ABHD2: variants seen among roughly 807,000 people sequenced by gnomAD.
ABHD2 encodes monoacylglycerol lipase ABHD2.
A neutral mutation model predicts 48.1 loss-of-function variants in ABHD2; 20 were observed. The observed-to-expected ratio is 0.42, with a 90% CI of 0.29 to 0.60. ABHD2 has a LOEUF of 0.60. ABHD2 is among the 20% of genes least tolerant of loss of function. ABHD2 has a pLI of 0.24. For missense variants in ABHD2, 405 were observed against 550.9 expected (o/e 0.74, Z 2.65); for synonymous variants, 209 against 214.2 (o/e 0.98, Z 0.21).
At chr15:89,086,940 T>C (rs912075751), upstream of ABHD2, 1 of 152,208 alleles carries the variant, frequency 6.6e-6, no homozygotes, top group Non-Finnish European at 1.5e-5. Flanking sequence ...ATGAAACCTT[T>C]TTTTTTCAAG....
chr15:89,068,474 CAT>C, the ABHD2 span, among the ~76,000 whole-genome samples: 29 of 152,176 alleles, frequency 1.9e-4, no homozygotes, highest in Non-Finnish European at 4.0e-4. Context: ...TCTTCACCCA[CAT>C]GTCTGGTGGT....
chr15:89,108,327 T>G (rs950793886), intron 1 of ABHD2, among the ~76,000 whole-genome samples: 1 of 152,242 alleles, frequency 6.6e-6, no homozygotes, highest in Non-Finnish European at 1.5e-5. Flanking sequence ...TTGCTGTAGA[T>G]ACGTGGCTCC....
chr15:89,107,279 T>G (rs1177606738), intron 1 of ABHD2, among the ~76,000 whole-genome samples: 1 of 152,194 alleles, frequency 6.6e-6, no homozygotes, highest in Non-Finnish European at 1.5e-5. Flanking sequence ...AGTGATTTAT[T>G]AAGTCTAACA....
chr15:89,152,796 G>T lies in ABHD2; in HGVS notation c.370+944G>T, dbSNP rs28661057. Among the ~76,000 whole-genome samples the T allele has an allele frequency of 8.3e-3, 1,264 of 152,262 alleles. 8 individuals carry two copies. Among genetic ancestry groups the T allele is most frequent in the African/African-American group, 0.028 (1,151 of 41,550 alleles). The stretch of plus-strand genomic sequence containing the variant: ...CTGGAATTTGGCATTGTTCTGTCTA[G>T]CCTATACAAATAGCATTCATTCTAA... On this transcript the variant is annotated intron_variant, in intron 4 of 10. Coordinates refer to ENST00000352732, the MANE Select transcript of ABHD2 (RefSeq NM_152924.5).
chr15:89,113,008 C>T (rs1035598403), intron 1 of ABHD2, among the ~76,000 whole-genome samples: 1 of 152,222 alleles, frequency 6.6e-6, no homozygotes, highest in Admixed American at 6.5e-5. Context: ...GTAGATAGTG[C>T]TGCATAAACA....
intron 1 of ABHD2, among the ~76,000 whole-genome samples, chr15:89,095,570 T>C (rs998725512): frequency 7.9e-5 from 12 of 152,210 alleles, no homozygotes; most frequent in African/African-American, 2.4e-4. Flanking sequence ...TCTTCAGTGG[T>C]ATTTACACAT....
At chr15:89,142,532 G>A (rs545945671) in intron 3 of ABHD2, among the ~76,000 whole-genome samples, 39 of 152,268 alleles carry the variant, frequency 2.6e-4, no homozygotes, top group African/African-American at 8.7e-4. Flanking sequence ...CATGTATCTC[G>A]TTCTTGCAGC....
intron 3 of ABHD2, among the ~76,000 whole-genome samples, chr15:89,145,051 G>A (rs888659877): frequency 1.3e-5 from 2 of 152,194 alleles, no homozygotes; most frequent in Non-Finnish European, 2.9e-5. Context: ...GAGGTCATGA[G>A]TTTGAGACCA....
chr15:89,172,933 G>A (rs899785083), intron 5 of ABHD2, among the ~76,000 whole-genome samples: 2 of 152,168 alleles, frequency 1.3e-5, no homozygotes, highest in African/African-American at 4.8e-5. Flanking sequence ...GATTTTCCCT[G>A]TATACGGGGG....
intron 3 of ABHD2, among the ~76,000 whole-genome samples, chr15:89,149,573 G>A (rs889389090): frequency 5.9e-5 from 9 of 152,146 alleles, no homozygotes; most frequent in Admixed American, 2.6e-4. Flanking sequence ...ATGTTAGGAC[G>A]GAGCTGTGCA....
At chr15:89,086,756 T>C (rs1014335660), upstream of ABHD2, among the ~76,000 whole-genome samples, 1 of 152,248 alleles carries the variant, frequency 6.6e-6, no homozygotes, top group South Asian at 2.1e-4. Flanking sequence ...AGTTAACATA[T>C]GCATTACCTT....
At chr15:89,078,078 A>ATC in the ABHD2 span, among the ~76,000 whole-genome samples, 1 of 152,152 alleles carries the variant, frequency 6.6e-6, no homozygotes, top group South Asian at 2.1e-4. Context: ...CCTTGGGATC[A>ATC]TCTCTGACCC....
the ABHD2 span, among the ~76,000 whole-genome samples, chr15:89,060,455 T>C: frequency 6.6e-6 from 1 of 151,998 alleles, no homozygotes; most frequent in Non-Finnish European, 1.5e-5. Flanking sequence ...ATTTTCTCCA[T>C]ACTAGAGCTT....
At chr15:89,101,649 A>G (rs781326410) in intron 1 of ABHD2, among the ~76,000 whole-genome samples, 6 of 152,222 alleles carry the variant, frequency 3.9e-5, no homozygotes, top group Non-Finnish European at 8.8e-5. Flanking sequence ...ACAGAGATGA[A>G]AGAGATATGA....
Position 89,182,312 on chromosome 15 carries a change from T to C in ABHD2, c.723-3112T>C, listed in dbSNP as rs2051127514. Among the ~76,000 whole-genome samples the C allele has an allele frequency of 6.6e-6, 1 of 152,220 alleles. No individual in the cohort carries two copies. On this transcript the variant is annotated intron_variant, in intron 6 of 10. Coordinates refer to ENST00000352732, the MANE Select transcript of ABHD2 (RefSeq NM_152924.5). This position sits in a 1 kb window ranked among gnomAD's most constrained non-coding sequence, Gnocchi z 4.8. ...TTCCAGCAAGATTCACTCTGAATTT[T>C]GCAAAGCCATTCCCTCCCTGTAATT...
Position 89,175,443 on chromosome 15 carries a change from T to G in ABHD2, c.539-369T>G, listed in dbSNP as rs938698580. Among the ~76,000 whole-genome samples, 1 of 152,212 alleles carries G rather than the reference T, an allele frequency of 6.6e-6. No homozygotes were observed. The highest frequency in any genetic ancestry group is 1.5e-5 in the Non-Finnish European group (1 of 68,038). On this transcript the variant is annotated intron_variant, in intron 5 of 10. Transcript: ENST00000352732. The surrounding 1 kb of genome is among the most constrained non-coding windows in gnomAD (Gnocchi z 5.7). ...GGCCTAGCTTTTATTTAGGTCTGTG[T>G]GTGAGCATATGTGCTCATGCACACC... is the stretch of plus-strand genomic sequence containing the variant.
At chr15:89,067,782 T>G in the ABHD2 span, among the ~76,000 whole-genome samples, 2 of 152,208 alleles carry the variant, frequency 1.3e-5, no homozygotes, top group South Asian at 2.1e-4. Flanking sequence ...GCAAACTCTA[T>G]TCACTTGTTC....
the ABHD2 span, among the ~76,000 whole-genome samples, chr15:89,053,308 A>T: frequency 6.6e-6 from 1 of 152,130 alleles, no homozygotes; most frequent in African/African-American, 2.4e-5. Context: ...GCCAGCCCAG[A>T]GACAGTAGTA....
intron 3 of ABHD2, among the ~76,000 whole-genome samples, chr15:89,140,029 C>G (rs532085623): frequency 1.3e-5 from 2 of 152,306 alleles, no homozygotes; most frequent in East Asian, 3.9e-4. Context: ...TGATGTAACA[C>G]CTCTGCGTTT....
Sources: gnomAD v4.1 joint callset for allele counts (sites outside exome capture counted in the v4.1 genomes callset) on GRCh38, gnomAD v4.1.1 for gene constraint, Gnocchi (gnomAD v3.1) non-coding constraint, MANE v1.5 for transcripts, NCBI Gene and HGNC (gene_info 2026-07-23, HGNC 2026-07-21) for gene names.